The following LIN9 variants were observed in gnomAD, a reference collection of about 807,000 sequenced individuals.
LIN9 encodes the protein protein lin-9 homolog.
Under a neutral mutation model 78.0 loss-of-function variants are expected in LIN9, and 18 were observed. That is an observed-to-expected ratio of 0.23 (90% CI 0.16 to 0.34). The LOEUF is 0.34. LIN9 is among the 10% of genes least tolerant of loss of function. LIN9 has a pLI of 1.00. For synonymous variants in LIN9, 192 were observed against 215.2 expected, an observed-to-expected ratio of 0.89 and a Z score of 0.94; for missense variants, 451 against 644.1, an observed-to-expected ratio of 0.70 and a Z score of 3.25.
chr1:226,255,271 A>G (rs953687014), intron 10 of LIN9, among the ~76,000 whole-genome samples: 2 of 152,134 alleles, frequency 1.3e-5, no homozygotes, highest in Non-Finnish European at 2.9e-5. Flanking sequence ...AACGATTTTG[A>G]ATTAAGATGG....
rs571296378 is a variant in LIN9, at chr1:226,245,432, C to G, written c.1119+5407G>C. ...CAGTCACATACTTGTCTTTTTTCCCCCCCCCCAAGAAACAGGGTCTCACTC... is the reference window on the plus strand; with the variant it reads ...CAGTCACATACTTGTCTTTTTTCCCGCCCCCCAAGAAACAGGGTCTCACTC... On this transcript the variant is annotated intron_variant, in intron 11 of 14. Transcript: ENST00000681046. Among the ~76,000 whole-genome samples, 116 of 139,676 alleles carry G rather than the reference C, an allele frequency of 8.3e-4. 1 individual carries two copies. Among genetic ancestry groups the G allele is most frequent in the Admixed American group, 1.4e-3 (19 of 14,008 alleles). The allele number at this position is 139,676 out of a possible 152,430, so 91.6% of individuals were successfully genotyped here.
chr1:226,267,897 A>T, intron 8 of LIN9, 60 bp downstream of exon 8: 1 of 1,490,578 alleles, frequency 6.7e-7, no homozygotes, highest in Non-Finnish European at 9.0e-7. Flanking sequence ...TTTCTAAAAA[A>T]ACTCTATATA....
chr1:226,259,507 A>C (rs1313197119), intron 10 of LIN9, among the ~76,000 whole-genome samples: 1 of 152,152 alleles, frequency 6.6e-6, no homozygotes, highest in African/African-American at 2.4e-5. Flanking sequence ...CTTTCTACTC[A>C]AGGTCGTGCG....
intron 6 of LIN9, among the ~76,000 whole-genome samples, chr1:226,285,171 A>C (rs1277449218): frequency 6.6e-6 from 1 of 152,192 alleles, no homozygotes; most frequent in Non-Finnish European, 1.5e-5. Context: ...CAAAACAGTA[A>C]ATAGTGACCA....
intron 7 of LIN9, among the ~76,000 whole-genome samples, chr1:226,274,980 A>G (rs183787699): frequency 1.5e-4 from 23 of 152,264 alleles, no homozygotes; most frequent in African/African-American, 5.5e-4. Flanking sequence ...GTCTATCTCT[A>G]TTGATGGCTT....
chr1:226,288,878 AT>A lies in LIN9; in HGVS notation c.265-1082del, dbSNP rs1358690879. On this transcript the variant is annotated intron_variant, in intron 4 of 14. Transcript: ENST00000681046. ...CAATCCCAGTCAAAATGCCAACAGGATTTTTTTTTCCTAGTCAAGTTGATTC... is the reference window on the plus strand; with the variant it reads ...CAATCCCAGTCAAAATGCCAACAGGATTTTTTTTCCTAGTCAAGTTGATTC... 4.6e-5 allele frequency among the ~76,000 whole-genome samples: 7 copies of A among 151,894 alleles called. 1 individual carries two copies. The South Asian group carries it at 1.2e-3, about 27-fold the overall frequency.
rs1398473478 is a variant in LIN9, at chr1:226,301,219, T to C, written c.32-14A>G. 6.3e-7 allele frequency: 1 copy of C among 1,593,112 alleles called. No homozygotes were observed. The highest frequency in any genetic ancestry group is 8.5e-7 in the Non-Finnish European group (1 of 1,171,928). ...TTGCTGAAGAGCCTGCAATTAAAAA[T>C]AAAACAAATCAATAATTATTTCATA... On this transcript the variant is annotated splice_polypyrimidine_tract_variant and intron_variant, in intron 1 of 14. Coordinates refer to ENST00000681046, the MANE Select transcript of LIN9 (RefSeq NM_001366245.2).
chr1:226,309,467 C>G (rs982399134), upstream of LIN9: 5 of 1,100,756 alleles, frequency 4.5e-6, no homozygotes, highest in Admixed American at 5.7e-5. Flanking sequence ...GCCCGGGCCC[C>G]GCTCCCGGCG....
At chr1:226,284,628 G>A (rs890478522) in intron 6 of LIN9, among the ~76,000 whole-genome samples, 1 of 152,088 alleles carries the variant, frequency 6.6e-6, no homozygotes, top group Non-Finnish European at 1.5e-5. Flanking sequence ...GGAGGCTGAG[G>A]CAGGAGAATC....
intron 11 of LIN9, among the ~76,000 whole-genome samples, chr1:226,245,921 GATAA>G (rs1035076093): frequency 7.2e-5 from 11 of 152,098 alleles, no homozygotes; most frequent in African/African-American, 2.2e-4. Context: ...TAATTAGCTT[GATAA>G]ATATTCATCT....
chr1:226,239,926 G>A (rs1335902872), intron 11 of LIN9, among the ~76,000 whole-genome samples: 2 of 152,108 alleles, frequency 1.3e-5, no homozygotes, highest in Non-Finnish European at 1.5e-5. Context: ...TTTTTTCAGA[G>A]GATTTCTGAG....
At chr1:226,307,933 T>A (rs556338758) in intron 1 of LIN9, among the ~76,000 whole-genome samples, 1 of 152,340 alleles carries the variant, frequency 6.6e-6, no homozygotes, top group East Asian at 1.9e-4. Flanking sequence ...CTCTATCAAA[T>A]TTAAAACACA....
chr1:226,305,981 GA>G (rs1336884607), intron 1 of LIN9, among the ~76,000 whole-genome samples: 1 of 152,164 alleles, frequency 6.6e-6, no homozygotes. Flanking sequence ...TAGATATTTA[GA>G]AGGTAAAATT....
chr1:226,272,300 C>A (rs534515585), intron 7 of LIN9, among the ~76,000 whole-genome samples: 46 of 151,878 alleles, frequency 3.0e-4, no homozygotes, highest in African/African-American at 9.9e-4. Flanking sequence ...AAGTGATCTG[C>A]CTGCCTCGGC....
At chr1:226,232,627 G>A (rs771790550) in intron 14 of LIN9, 21 bp from the exon 15 acceptor site, 44 of 1,434,646 alleles carry the variant, frequency 3.1e-5, no homozygotes, top group South Asian at 5.1e-5. Flanking sequence ...AAGAAACATG[G>A]TTAACTACTT....
At chr1:226,236,492 G>GT (rs1161634602) in intron 12 of LIN9, among the ~76,000 whole-genome samples, 1 of 151,890 alleles carries the variant, frequency 6.6e-6, no homozygotes, top group African/African-American at 2.4e-5. Flanking sequence ...GTCTCGCTCT[G>GT]TTGCCCAGGC....
At position 226,297,795 on chromosome 1, in the gene LIN9, G is replaced by A. The variant is rs760204970; in HGVS notation, c.83C>T (p.Thr28Met). The A allele has an allele frequency of 8.2e-6, 13 of 1,580,050 alleles. No individual in the cohort carries two copies. The highest frequency in any genetic ancestry group is 1.7e-4 in the Middle Eastern group (1 of 5,948). Residue 28 changes from threonine to methionine, a missense_variant, in exon 3 of 15, where the codon ACG (threonine) becomes ATG (methionine). Transcript: ENST00000681046. ...TAAAGAACTGTACTTTTCATTCCACGTGTTAGATAAGCTTCCTTCTGTAAT... is the reference window on the plus strand; with the variant it reads ...TAAAGAACTGTACTTTTCATTCCACATGTTAGATAAGCTTCCTTCTGTAAT... The part of the protein sequence containing the change: ...VSLKEGSLSN[T>M]WNEKYSSLQK...
chr1:226,283,710 G>A (rs1310434822), intron 6 of LIN9, among the ~76,000 whole-genome samples: 1 of 152,108 alleles, frequency 6.6e-6, no homozygotes, highest in African/African-American at 2.4e-5. Flanking sequence ...CACTCTGGGA[G>A]GCCGGGGCAG....
chr1:226,287,840 T>TA, intron 4 of LIN9, 43 bp from the exon 5 acceptor site: 3 of 1,401,044 alleles, frequency 2.1e-6, no homozygotes, highest in Non-Finnish European at 2.9e-6. Context: ...CTCCATTAAG[T>TA]AAAAATGAAC....
Sources: gnomAD v4.1 joint callset for allele counts (sites outside exome capture counted in the v4.1 genomes callset) on GRCh38, gnomAD v4.1.1 for gene constraint, MANE v1.5 for transcripts, NCBI Gene and HGNC (gene_info 2026-07-23, HGNC 2026-07-21) for gene names.